The following ATP11C variants were observed in gnomAD, a reference collection of about 807,000 sequenced individuals.
ATP11C encodes phospholipid-transporting ATPase IG.
A neutral mutation model predicts 97.4 loss-of-function variants in ATP11C; 36 were observed. The observed-to-expected ratio is 0.37, with a 90% confidence interval of 0.28 to 0.49. ATP11C has a LOEUF of 0.49. Among genes scored for constraint, ATP11C ranks in the 20% least tolerant of loss-of-function variants. The probability of loss-of-function intolerance (pLI) is 0.98; values close to 1 mark genes in which losing one functional copy is unlikely to be tolerated. For synonymous variants in ATP11C, 275 were observed against 290.9 expected (o/e 0.95, Z 0.56); for missense variants, 730 against 824.6 (o/e 0.89, Z 1.40).
chrX:139,906,953 T>C (rs752172031), intron 1 of ATP11C, among the ~76,000 whole-genome samples: 1 of 111,345 alleles, frequency 9.0e-6, no homozygotes, highest in African/African-American at 3.3e-5. Context: ...CATGCATTCT[T>C]ATAGGCTTCA....
intron 1 of ATP11C, among the ~76,000 whole-genome samples, chrX:139,886,073 G>A (rs747848631): frequency 2.7e-5 from 3 of 111,024 alleles, no homozygotes; most frequent in Middle Eastern, 4.7e-3. Context: ...ACTTATAGAT[G>A]GGAGAGGAAA....
intron 1 of ATP11C, among the ~76,000 whole-genome samples, chrX:139,859,754 A>T (rs975379767): frequency 8.9e-6 from 1 of 112,447 alleles, no homozygotes; most frequent in African/African-American, 3.2e-5. Flanking sequence ...AATTGTTTAA[A>T]GCCAGAAGGG....
intron 19 of ATP11C, among the ~76,000 whole-genome samples, chrX:139,772,776 C>G (rs1016216422): frequency 2.7e-5 from 3 of 111,736 alleles, no homozygotes; most frequent in African/African-American, 9.8e-5. Flanking sequence ...ACCTGTACCC[C>G]CATTGTATCT....
At chrX:139,759,981 A>C (rs1198280825) in intron 22 of ATP11C, among the ~76,000 whole-genome samples, 3 of 111,872 alleles carry the variant, frequency 2.7e-5, no homozygotes, top group Non-Finnish European at 5.6e-5. Flanking sequence ...TCTTCAAGGG[A>C]TCTCCTACTA....
chrX:139,771,047 C>G (rs1285500483), intron 19 of ATP11C, among the ~76,000 whole-genome samples: 1 of 111,425 alleles, frequency 9.0e-6, no homozygotes, highest in South Asian at 3.8e-4. Flanking sequence ...TTGAGAGTAA[C>G]TAACTGATAT....
Position 139,824,325 on chromosome X carries a change from C to T in ATP11C, c.147+2379G>A, listed in dbSNP as rs192944825. On this transcript the variant is annotated intron_variant, in intron 2 of 29. Transcript: ENST00000682941. ...AAAATTCTGGTGATTTCCAAAATCC[C>T]TGCAGAGTACATTAAAGTTTGTGAG... Among the ~76,000 whole-genome samples the T allele has an allele frequency of 4.9e-3, 536 of 110,313 alleles. 3 individuals carry two copies. The highest frequency in any genetic ancestry group is 7.0e-3 in the Non-Finnish European group (369 of 52,830).
At chrX:139,805,159 T>C (rs1189911093) in intron 5 of ATP11C, among the ~76,000 whole-genome samples, 1 of 111,768 alleles carries the variant, frequency 8.9e-6, no homozygotes, top group African/African-American at 3.3e-5. Flanking sequence ...TATGAATTCA[T>C]CTGCTGTCAG....
chrX:139,737,829 T>A, intron 28 of ATP11C, 87 bp downstream of exon 28: 1 of 917,557 alleles, frequency 1.1e-6, no homozygotes, highest in East Asian at 3.1e-5. Flanking sequence ...CTGTAACTAA[T>A]GTAATTTTCT....
At chrX:139,855,400 C>T (rs904867738) in intron 1 of ATP11C, among the ~76,000 whole-genome samples, 1 of 111,568 alleles carries the variant, frequency 9.0e-6, no homozygotes, top group Non-Finnish European at 1.9e-5. Context: ...CTGAAGATCA[C>T]GTTCTCATCA....
At chrX:139,824,225 C>T (rs759675668) in intron 2 of ATP11C, among the ~76,000 whole-genome samples, 2 of 109,025 alleles carry the variant, frequency 1.8e-5, no homozygotes, top group East Asian at 5.7e-4. Flanking sequence ...AACTAAAGAT[C>T]CTAAAATTCA....
At chrX:139,858,707 G>A (rs2084133166) in intron 1 of ATP11C, among the ~76,000 whole-genome samples, 1 of 112,278 alleles carries the variant, frequency 8.9e-6, no homozygotes. Flanking sequence ...TACAGATGAG[G>A]AAGCCAAGGC....
intron 2 of ATP11C, among the ~76,000 whole-genome samples, chrX:139,820,074 T>A (rs1050406204): frequency 1.8e-5 from 2 of 110,774 alleles, no homozygotes; most frequent in Non-Finnish European, 3.8e-5. Flanking sequence ...TAATCCCAGC[T>A]ACTCGGGCGG....
chrX:139,778,059 G>A (rs12838114), intron 18 of ATP11C, among the ~76,000 whole-genome samples: 1 of 110,593 alleles, frequency 9.0e-6, no homozygotes, highest in Non-Finnish European at 1.9e-5. Context: ...GTCTCGCTAT[G>A]CTGCCCAGGC....
At chrX:139,779,278 A>G (rs1011734569) in intron 18 of ATP11C, among the ~76,000 whole-genome samples, 2 of 112,337 alleles carry the variant, frequency 1.8e-5, no homozygotes, top group African/African-American at 6.5e-5. Context: ...CAACTGCGGA[A>G]CATACATTTT....
intron 5 of ATP11C, among the ~76,000 whole-genome samples, chrX:139,808,979 G>A (rs1287205051): frequency 1.8e-5 from 2 of 110,528 alleles, no homozygotes; most frequent in African/African-American, 3.3e-5. Flanking sequence ...CAGGTGCGGT[G>A]CCACATGCCT....
chrX:139,841,851 A>G (rs2083836907), intron 1 of ATP11C, among the ~76,000 whole-genome samples: 1 of 112,188 alleles, frequency 8.9e-6, no homozygotes, highest in Non-Finnish European at 1.9e-5. Flanking sequence ...GGAACCTAGT[A>G]AGGTGATTTT....
At chrX:139,729,480 C>G in intron 29 of ATP11C, among the ~76,000 whole-genome samples, 1 of 111,555 alleles carries the variant, frequency 9.0e-6, no homozygotes, top group African/African-American at 3.2e-5. Context: ...AAATATTCTT[C>G]CTTTTTACTG....
intron 7 of ATP11C, among the ~76,000 whole-genome samples, chrX:139,801,851 T>C (rs1296030954): frequency 8.9e-6 from 1 of 111,918 alleles, no homozygotes; most frequent in Admixed American, 9.5e-5. Flanking sequence ...AACCTACTAA[T>C]TGCATGAAGA....
At chrX:139,896,452 G>A (rs1023052961) in intron 1 of ATP11C, among the ~76,000 whole-genome samples, 1 of 109,680 alleles carries the variant, frequency 9.1e-6, no homozygotes, top group African/African-American at 3.3e-5. Flanking sequence ...GACTAAATAT[G>A]ATGTGGTGAC....
Sources: gnomAD v4.1 joint callset for allele counts (sites outside exome capture counted in the v4.1 genomes callset) on GRCh38, gnomAD v4.1.1 for gene constraint, MANE v1.5 for transcripts, NCBI Gene and HGNC (gene_info 2026-07-23, HGNC 2026-07-21) for gene names.